NEMP2: variants seen among roughly 807,000 people sequenced by gnomAD.
NEMP2 encodes nuclear envelope integral membrane protein 2.
NEMP2 carries 53 observed loss-of-function variants against 54.2 expected under a neutral mutation model. The observed-to-expected ratio is 0.98, with a 90% CI of 0.78 to 1.23. The LOEUF (loss-of-function observed/expected upper bound fraction) is 1.23, where lower values mean the gene tolerates loss of function less well. NEMP2 is among the 50% of genes most tolerant of loss of function. NEMP2 has a pLI of 0.00. For synonymous variants in NEMP2, 197 were observed against 190.3 expected (o/e 1.04, Z -0.29); for missense variants, 455 against 511.3 (o/e 0.89, Z 1.06).
chr2:190,528,040 C>T lies in NEMP2; in HGVS notation c.98-2662G>A, dbSNP rs953110532. On this transcript the variant is annotated intron_variant, in intron 1 of 8. Transcript: ENST00000409150. This position sits in a 1 kb window ranked among gnomAD's most constrained non-coding sequence, Gnocchi z 4.3. ...GGATACTAAAAATGAAAAACATGCT[C>T]CTGCATGGTGTGTCCATGCACAAGA... 3.3e-5 allele frequency among the ~76,000 whole-genome samples: 5 copies of T among 152,146 alleles called. No individual in the cohort carries two copies. Among genetic ancestry groups the T allele is most frequent in the African/African-American group, 1.2e-4 (5 of 41,430 alleles).
At chr2:190,422,567 T>C in the NEMP2 span, among the ~76,000 whole-genome samples, 1 of 152,198 alleles carries the variant, frequency 6.6e-6, no homozygotes, top group Non-Finnish European at 1.5e-5. Context: ...TGTTGAGATA[T>C]CTGAAGCCAT....
chr2:190,591,731 A>G, the NEMP2 span, among the ~76,000 whole-genome samples: 1 of 152,218 alleles, frequency 6.6e-6, no homozygotes, highest in East Asian at 1.9e-4. This position sits in a 1 kb window ranked among gnomAD's most constrained non-coding sequence, Gnocchi z 5.4. Context: ...GACTAAAGAA[A>G]GCCCACAGAC....
the NEMP2 span, among the ~76,000 whole-genome samples, chr2:190,563,848 CA>C: frequency 6.6e-6 from 1 of 152,216 alleles, no homozygotes; most frequent in South Asian, 2.1e-4. The surrounding 1 kb of genome is among the most constrained non-coding windows in gnomAD (Gnocchi z 4.3). Flanking sequence ...AAACAAGGGC[CA>C]GCCCACTCAT....
the NEMP2 span, among the ~76,000 whole-genome samples, chr2:190,544,417 G>A: frequency 2.6e-5 from 4 of 152,040 alleles, no homozygotes; most frequent in Admixed American, 6.5e-5. Flanking sequence ...AATTGCTAAA[G>A]CTCTTGGTAA....
chr2:190,516,532 T>G (rs770189756), intron 5 of NEMP2, 148 bp from the exon 6 acceptor site: 1 of 609,680 alleles, frequency 1.6e-6, no homozygotes. Context: ...TCTTAAGGTG[T>G]GGTCCACAAA....
At chr2:190,427,173 G>A in the NEMP2 span, among the ~76,000 whole-genome samples, 38 of 152,326 alleles carry the variant, frequency 2.5e-4, no homozygotes, top group Non-Finnish European at 5.1e-4. Context: ...CCAACAGGTG[G>A]GTTGGCAGTC....
rs201881052 is a variant in NEMP2, at chr2:190,517,523, C to T, written c.609G>A (p.Pro203=). Residue 203 remains proline, a synonymous_variant, in exon 5 of 9, where the codon CCG becomes CCA. Transcript: ENST00000409150. ...FVLLLVKRFI[P]KYSTFWALMV... is the part of the protein sequence containing the mutation. ...CATTTTCACATAGTATGCCTACCTT[C>T]GGAATGAATCTTTTCACCAACAGCA... The T allele has an allele frequency of 7.1e-6, 11 of 1,546,932 alleles. No homozygotes were observed. Among genetic ancestry groups the T allele is most frequent in the African/African-American group, 4.1e-5 (3 of 72,784 alleles).
chr2:190,584,951 G>GAAAT, the NEMP2 span, among the ~76,000 whole-genome samples: 1 of 121,430 alleles, frequency 8.2e-6, no homozygotes, highest in African/African-American at 2.8e-5. The surrounding 1 kb of genome is among the most constrained non-coding windows in gnomAD (Gnocchi z 4.2). Flanking sequence ...AAGAAAGAAA[G>GAAAT]AAAGAAAGAA....
At chr2:190,542,470 C>G in the NEMP2 span, among the ~76,000 whole-genome samples, 4 of 152,216 alleles carry the variant, frequency 2.6e-5, no homozygotes, top group African/African-American at 9.6e-5. This position sits in a 1 kb window ranked among gnomAD's most constrained non-coding sequence, Gnocchi z 4.6. Flanking sequence ...CCTTGGCCTC[C>G]CAAAGTGCTG....
At chr2:190,594,309 C>T in the NEMP2 span, among the ~76,000 whole-genome samples, 1 of 152,186 alleles carries the variant, frequency 6.6e-6, no homozygotes, top group Non-Finnish European at 1.5e-5. The surrounding 1 kb of genome is among the most constrained non-coding windows in gnomAD (Gnocchi z 5.6). Flanking sequence ...ACCCCCGTCA[C>T]CATCCATGAT....
At chr2:190,597,480 T>C in the NEMP2 span, among the ~76,000 whole-genome samples, 1 of 151,926 alleles carries the variant, frequency 6.6e-6, no homozygotes, top group South Asian at 2.1e-4. The surrounding 1 kb of genome is among the most constrained non-coding windows in gnomAD (Gnocchi z 4.7). Flanking sequence ...GGAAAAAAAA[T>C]GTTACCTGAA....
At chr2:190,582,088 A>G in the NEMP2 span, among the ~76,000 whole-genome samples, 4 of 152,298 alleles carry the variant, frequency 2.6e-5, no homozygotes, top group South Asian at 8.3e-4. The surrounding 1 kb of genome is among the most constrained non-coding windows in gnomAD (Gnocchi z 4.6). Context: ...GAGGTGTGTT[A>G]TAATAAAAAA....
chr2:190,485,342 A>G, the NEMP2 span, among the ~76,000 whole-genome samples: 1 of 152,184 alleles, frequency 6.6e-6, no homozygotes, highest in Non-Finnish European at 1.5e-5. This position sits in a 1 kb window ranked among gnomAD's most constrained non-coding sequence, Gnocchi z 5.1. Flanking sequence ...GATTGCTTAG[A>G]CATACACATA....
chr2:190,623,552 A>T, the NEMP2 span, among the ~76,000 whole-genome samples: 2,775 of 152,336 alleles, frequency 0.018, 81 homozygotes, highest in African/African-American at 0.063. Flanking sequence ...GGTGCCAAGA[A>T]CATATATCAG....
chr2:190,588,447 T>C, the NEMP2 span, among the ~76,000 whole-genome samples: 1 of 152,156 alleles, frequency 6.6e-6, no homozygotes, highest in Admixed American at 6.6e-5. The surrounding 1 kb of genome is among the most constrained non-coding windows in gnomAD (Gnocchi z 5.0). Context: ...TGAAAGACCA[T>C]ACACATTCAT....
At chr2:190,489,718 C>CTATCTGCATTTCTTGGAAT in the NEMP2 span, 1 of 1,524,566 alleles carries the variant, frequency 6.6e-7, no homozygotes, top group Non-Finnish European at 9.0e-7. This position sits in a 1 kb window ranked among gnomAD's most constrained non-coding sequence, Gnocchi z 6.6. Context: ...TAGATGAGCG[C>CTATCTGCATTTCTTGGAAT]TATCTGCATT....
the NEMP2 span, among the ~76,000 whole-genome samples, chr2:190,449,542 A>G: frequency 4.6e-5 from 7 of 152,354 alleles, no homozygotes; most frequent in South Asian, 1.4e-3. Context: ...TGCTGCTATA[A>G]AGACACATGC....
At chr2:190,638,221 C>T in the NEMP2 span, among the ~76,000 whole-genome samples, 1 of 152,268 alleles carries the variant, frequency 6.6e-6, no homozygotes, top group African/African-American at 2.4e-5. This position sits in a 1 kb window ranked among gnomAD's most constrained non-coding sequence, Gnocchi z 5.7. Flanking sequence ...CTGGACTGTT[C>T]CAAATTCCTT....
the NEMP2 span, among the ~76,000 whole-genome samples, chr2:190,642,959 T>C: frequency 0.33 from 48,453 of 148,834 alleles, 8,431 homozygotes; most frequent in South Asian, 0.46. This position sits in a 1 kb window ranked among gnomAD's most constrained non-coding sequence, Gnocchi z 4.1. Context: ...CACTACCAAC[T>C]TCTTACATTT....
Sources: allele counts gnomAD v4.1 joint callset (sites outside exome capture counted in the v4.1 genomes callset), GRCh38; gene constraint gnomAD v4.1.1; non-coding constraint Gnocchi (gnomAD v3.1); transcripts MANE v1.5; gene names NCBI Gene and HGNC (gene_info 2026-07-23, HGNC 2026-07-21).